The following MAGI2 variants were observed in gnomAD, a reference collection of about 807,000 sequenced individuals.
MAGI2 encodes the protein membrane-associated guanylate kinase, WW and PDZ domain-containing protein 2.
MAGI2 carries 35 observed loss-of-function variants against 133.3 expected under a neutral mutation model. The ratio of observed to expected loss-of-function variants is 0.26; its 90% CI spans 0.20 to 0.35. MAGI2 has a LOEUF of 0.35. MAGI2 is among the 10% of genes least tolerant of loss of function. The pLI is 1.00. For missense variants in MAGI2, 1,636 were observed against 1,863.4 expected (o/e 0.88, Z 2.25); for synonymous variants, 729 against 710.6 (o/e 1.03, Z -0.41).
intron 2 of MAGI2, among the ~76,000 whole-genome samples, chr7:78,669,781 TA>T (rs1337196383): frequency 6.6e-6 from 1 of 151,030 alleles, no homozygotes; most frequent in African/African-American, 2.4e-5. Context: ...TGCAAATCAA[TA>T]AATGTAATCC....
chr7:78,316,690 AAGAG>A (rs1787440992), intron 9 of MAGI2, among the ~76,000 whole-genome samples: 1 of 152,248 alleles, frequency 6.6e-6, no homozygotes, highest in Non-Finnish European at 1.5e-5. Flanking sequence ...GTTACAAACC[AAGAG>A]AGAGTCAACT....
intron 1 of MAGI2, among the ~76,000 whole-genome samples, chr7:79,012,525 C>T (rs1166286911): frequency 2.0e-5 from 3 of 152,008 alleles, no homozygotes; most frequent in Admixed American, 1.3e-4. Context: ...CATTTTATAT[C>T]TTCTCCCCTC....
At chr7:78,798,606 G>A (rs893169241) in intron 2 of MAGI2, among the ~76,000 whole-genome samples, 8 of 152,060 alleles carry the variant, frequency 5.3e-5, no homozygotes, top group African/African-American at 1.7e-4. Flanking sequence ...TGGGAACCGG[G>A]CTTCAATCTT....
intron 3 of MAGI2, among the ~76,000 whole-genome samples, chr7:78,546,344 T>C (rs1798835229): frequency 6.6e-6 from 1 of 152,110 alleles, no homozygotes; most frequent in African/African-American, 2.4e-5. Context: ...CAATATTTGC[T>C]ATAAGATCGT....
Position 78,078,928 on chromosome 7 carries a change from AT to A in MAGI2, c.3706+18del. 1 of 1,612,786 alleles carries A rather than the reference AT, an allele frequency of 6.2e-7. No individual in the cohort carries two copies. Among genetic ancestry groups the A allele is most frequent in the Non-Finnish European group, 8.5e-7 (1 of 1,179,798 alleles). On this transcript the variant is annotated intron_variant, in intron 21 of 21. Transcript: ENST00000354212. Reference sequence around the variant, plus strand: ...CACAGAAGGAAGAGCAAAAGGGTGAATTAAAACGTGAAACGTACCATATTCT... The same window carrying A: ...CACAGAAGGAAGAGCAAAAGGGTGAATAAAACGTGAAACGTACCATATTCT...
intron 2 of MAGI2, among the ~76,000 whole-genome samples, chr7:78,869,511 T>C (rs1794852887): frequency 6.6e-6 from 1 of 152,168 alleles, no homozygotes; most frequent in South Asian, 2.1e-4. Flanking sequence ...CACACTGCTG[T>C]AAAGAAGTAC....
chr7:78,071,902 A>G (rs1814751389), intron 21 of MAGI2, among the ~76,000 whole-genome samples: 1 of 152,192 alleles, frequency 6.6e-6, no homozygotes, highest in African/African-American at 2.4e-5. Context: ...AATGCAGGTG[A>G]ATTAGTGCCA....
chr7:79,086,905 C>G (rs771962926), intron 1 of MAGI2, among the ~76,000 whole-genome samples: 20 of 151,500 alleles, frequency 1.3e-4, no homozygotes, highest in Non-Finnish European at 2.5e-4. Flanking sequence ...ACATTTTAGT[C>G]CACATTTCTC....
chr7:79,295,643 T>C (rs779731579), intron 1 of MAGI2, among the ~76,000 whole-genome samples: 1 of 151,854 alleles, frequency 6.6e-6, no homozygotes, highest in Non-Finnish European at 1.5e-5. Flanking sequence ...TATCACTACT[T>C]CATTTACCTC....
At chr7:78,669,652 T>C (rs144800528) in intron 2 of MAGI2, among the ~76,000 whole-genome samples, 2,206 of 134,672 alleles carry the variant, frequency 0.016, 52 homozygotes, top group African/African-American at 0.058. Context: ...CCTTGATGAA[T>C]ATTGATGCAA....
At position 78,421,568 on chromosome 7, in the gene MAGI2, C is replaced by T. The variant is rs1286126045; in HGVS notation, c.1046-52355G>A. ...CTGGCTCACGCCTATAATCCCAGCA[C>T]TTTGGGAGGCTAGGCAGGAGGATCA... On this transcript the variant is annotated intron_variant, in intron 6 of 21. Transcript: ENST00000354212. Among the ~76,000 whole-genome samples, 3 of 152,192 alleles carry T rather than the reference C, an allele frequency of 2.0e-5. No individual in the cohort carries two copies. In the East Asian group the frequency reaches 5.8e-4, roughly 29 times the overall value.
intron 2 of MAGI2, among the ~76,000 whole-genome samples, chr7:78,705,538 T>G (rs761872727): frequency 6.6e-6 from 1 of 152,136 alleles, no homozygotes. Context: ...TTTCTCCTTA[T>G]TAAATGTATA....
rs1188828300 is a variant in MAGI2, at chr7:79,204,982, A to T, written c.302-197776T>A. On this transcript the variant is annotated intron_variant, in intron 1 of 21. Transcript: ENST00000354212. ...GAAAAAAGCTTATGGGACTTATGAA[A>T]CATCATCAAAAGAGCACATTTTTGA... Among the ~76,000 whole-genome samples the T allele has an allele frequency of 3.9e-5, 6 of 152,038 alleles. No individual in the cohort carries two copies. The East Asian group carries it at 1.2e-3, about 29-fold the overall frequency.
intron 2 of MAGI2, among the ~76,000 whole-genome samples, chr7:78,863,971 C>G (rs1185837738): frequency 6.6e-6 from 1 of 152,064 alleles, no homozygotes; most frequent in African/African-American, 2.4e-5. Flanking sequence ...GGGGACCAGG[C>G]ATGGAGGGAA....
At chr7:79,355,293 C>T (rs1841948089) in intron 1 of MAGI2, among the ~76,000 whole-genome samples, 1 of 152,088 alleles carries the variant, frequency 6.6e-6, no homozygotes, top group African/African-American at 2.4e-5. Context: ...AACATGGGAG[C>T]ATGTGAATAA....
Position 78,199,743 on chromosome 7 carries a change from A to G in MAGI2, c.2079+1419T>C, listed in dbSNP as rs144628159. 2.6e-5 allele frequency among the ~76,000 whole-genome samples: 4 copies of G among 152,342 alleles called. No homozygotes were observed. The East Asian group carries it at 7.7e-4, about 29-fold the overall frequency. ...TCCAAGCCCTAGCTTTTGTAGAAAT[A>G]CATGGATTCAAGATTAATTGTACAT... is the stretch of plus-strand genomic sequence containing the variant. On this transcript the variant is annotated intron_variant, in intron 11 of 21. Coordinates refer to ENST00000354212, the MANE Select transcript of MAGI2 (RefSeq NM_012301.4).
intron 1 of MAGI2, among the ~76,000 whole-genome samples, chr7:79,228,428 C>T (rs756898813): frequency 2.2e-5 from 3 of 138,222 alleles, no homozygotes; most frequent in Admixed American, 7.9e-5. Flanking sequence ...CAAGTGTTTA[C>T]GTGCTGAGAG....
At chr7:78,858,751 G>A (rs1272215001) in intron 2 of MAGI2, among the ~76,000 whole-genome samples, 2 of 152,182 alleles carry the variant, frequency 1.3e-5, no homozygotes, top group Non-Finnish European at 2.9e-5. Context: ...GGAGAGTTCT[G>A]TGGATGTCTA....
chr7:78,685,961 C>CT (rs145080216), intron 2 of MAGI2, among the ~76,000 whole-genome samples: 18,401 of 122,366 alleles, frequency 0.15, 1,968 homozygotes, highest in East Asian at 0.58. Context: ...CTTTCTTTTT[C>CT]TTTTTTTTCT....
Sources: allele counts gnomAD v4.1 joint callset (sites outside exome capture counted in the v4.1 genomes callset), GRCh38; gene constraint gnomAD v4.1.1; transcripts MANE v1.5; gene names NCBI Gene and HGNC (gene_info 2026-07-23, HGNC 2026-07-21).